Variants in ITGA11 observed in about 807,000 individuals in gnomAD.
The protein encoded by ITGA11 is integrin subunit alpha 11, also known as integrin alpha-11.
A neutral mutation model predicts 141.9 loss-of-function variants in ITGA11; 97 were observed. The observed-to-expected ratio is 0.68, with a 90% confidence interval of 0.58 to 0.81. The LOEUF (loss-of-function observed/expected upper bound fraction) is 0.81, where lower values mean the gene tolerates loss of function less well. ITGA11 is among the 30% of genes least tolerant of loss of function. The probability of loss-of-function intolerance (pLI) is 0.00; values close to 1 mark genes in which losing one functional copy is unlikely to be tolerated. For missense variants in ITGA11, 1,387 were observed against 1,559.2 expected, an observed-to-expected ratio of 0.89 and a Z score of 1.86; for synonymous variants, 658 against 624.6, an observed-to-expected ratio of 1.05 and a Z score of -0.80.
chr15:68,333,331 G>A lies in ITGA11; in HGVS notation c.1426-853C>T, dbSNP rs975498952. Among the ~76,000 whole-genome samples the A allele has an allele frequency of 2.6e-5, 4 of 152,142 alleles. No individual in the cohort carries two copies. Among genetic ancestry groups the A allele is most frequent in the African/African-American group, 7.2e-5 (3 of 41,422 alleles). ...GCCCAGGCTGGTCTGGAACTCCTAC[G>A]CTTCAGTGATCCTCCCACCTCAGCC... On this transcript the variant is annotated intron_variant, in intron 12 of 29. Coordinates refer to ENST00000315757, the MANE Select transcript of ITGA11 (RefSeq NM_001004439.2). This position sits in a 1 kb window ranked among gnomAD's most constrained non-coding sequence, Gnocchi z 4.2.
At position 68,326,073 on chromosome 15, in the gene ITGA11, G is replaced by C. The variant is rs1194957196; in HGVS notation, c.2211+581C>G. Among the ~76,000 whole-genome samples the C allele has an allele frequency of 6.6e-6, 1 of 152,218 alleles. No homozygotes were observed. The highest frequency in any genetic ancestry group is 1.5e-5 in the Non-Finnish European group (1 of 68,046). ...CCTTCTCAGACCTGCTCACATCTCTGAACTCTGGCCATTGAACTACTGGGA... is the reference window on the plus strand; with the variant it reads ...CCTTCTCAGACCTGCTCACATCTCTCAACTCTGGCCATTGAACTACTGGGA... On this transcript the variant is annotated intron_variant, in intron 17 of 29. Transcript: ENST00000315757. This position sits in a 1 kb window ranked among gnomAD's most constrained non-coding sequence, Gnocchi z 6.8.
intron 1 of ITGA11, among the ~76,000 whole-genome samples, chr15:68,408,730 C>A (rs572106626): frequency 1.3e-5 from 2 of 152,038 alleles, no homozygotes; most frequent in African/African-American, 2.4e-5. Context: ...AAATGTGGAG[C>A]CGGGGAAAAG....
At chr15:68,320,149 G>A in intron 20 of ITGA11, 36 bp downstream of exon 20, 3 of 1,589,606 alleles carry the variant, frequency 1.9e-6, no homozygotes, top group Non-Finnish European at 2.6e-6. Flanking sequence ...CTCTGTGCCA[G>A]GCAGAGGCAG....
chr15:68,396,999 T>A (rs866429059), intron 2 of ITGA11, among the ~76,000 whole-genome samples: 811 of 21,654 alleles, frequency 0.037, 300 homozygotes, highest in African/African-American at 0.24. Context: ...TTATATAATA[T>A]ATAATATATA....
rs189282421 is a variant in ITGA11, at chr15:68,307,538, G to A, written c.3285+48C>T. 546 of 1,527,364 alleles carry A rather than the reference G, an allele frequency of 3.6e-4. 3 individuals carry two copies. The African/African-American group carries it at 6.7e-3, about 19-fold the overall frequency. The allele number at this position is 1,527,364 out of a possible 1,614,324, so 94.6% of individuals were successfully genotyped here. ...CCAGGTGGAAGACATCCCAACAGCCGCCCCCTTTCCCTTCTTCCTTCCAGC... is the reference window on the plus strand; with the variant it reads ...CCAGGTGGAAGACATCCCAACAGCCACCCCCTTTCCCTTCTTCCTTCCAGC... On this transcript the variant is annotated intron_variant, in intron 27 of 29. Coordinates refer to ENST00000315757, the MANE Select transcript of ITGA11 (RefSeq NM_001004439.2). This position sits in a 1 kb window ranked among gnomAD's most constrained non-coding sequence, Gnocchi z 6.1.
chr15:68,342,698 A>C (rs1352849536), intron 10 of ITGA11, among the ~76,000 whole-genome samples: 1 of 152,212 alleles, frequency 6.6e-6, no homozygotes, highest in African/African-American at 2.4e-5. Context: ...AGCATGGTCT[A>C]GGGCAGTGCT....
At chr15:68,343,471 T>G (rs539814092) in intron 10 of ITGA11, among the ~76,000 whole-genome samples, 2 of 152,304 alleles carry the variant, frequency 1.3e-5, no homozygotes, top group South Asian at 4.1e-4. Flanking sequence ...GTCAAATGAT[T>G]TTTCTGAGCC....
intron 1 of ITGA11, among the ~76,000 whole-genome samples, chr15:68,406,107 G>C (rs1014772866): frequency 1.3e-5 from 2 of 152,096 alleles, no homozygotes; most frequent in Non-Finnish European, 2.9e-5. Flanking sequence ...GAGGGGTGAG[G>C]GCCAGTGAAG....
intron 2 of ITGA11, among the ~76,000 whole-genome samples, chr15:68,381,919 G>C (rs1895871657): frequency 6.6e-6 from 1 of 152,162 alleles, no homozygotes; most frequent in Admixed American, 6.5e-5. Context: ...AGCTAGTTAA[G>C]GGGCAGCTCT....
intron 1 of ITGA11, 116 bp downstream of exon 1, chr15:68,431,899 G>T: frequency 1.5e-6 from 1 of 678,298 alleles, no homozygotes; most frequent in Non-Finnish European, 2.2e-6. Context: ...CCCAAGAGCA[G>T]CTGAGGTCTG....
rs200734553 is a variant in ITGA11 at position 68,357,286 on chromosome 15, T to A, written c.614A>T (p.Gln205Leu). 1 of 1,613,328 alleles carries A rather than the reference T, an allele frequency of 6.2e-7. No individual in the cohort carries two copies. ...GPGQIQVGVV[Q>L]YGEDVVHEFH... ...CTCATGCACCACATCTTCGCCATAC[T>A]GCACAACTCCAACCTGCAAGGGAGA... Residue 205 changes from glutamine (Q) to leucine (L), a missense_variant, in exon 7 of 30, where the codon CAG becomes CTG. By Grantham distance (113) the Gln-to-Leu change is moderately radical. Transcript: ENST00000315757.
chr15:68,320,882 T>C (rs763140418), intron 19 of ITGA11, among the ~76,000 whole-genome samples: 10 of 152,240 alleles, frequency 6.6e-5, no homozygotes, highest in Non-Finnish European at 1.2e-4. Context: ...AAGTTGAGCA[T>C]AAATTATTGG....
intron 2 of ITGA11, 58 bp downstream of exon 2, chr15:68,402,860 G>T: frequency 8.4e-7 from 1 of 1,196,002 alleles, no homozygotes; most frequent in East Asian, 2.5e-5. Flanking sequence ...GGGGCAGGAT[G>T]GAGGGGGCTG....
Position 68,303,575 on chromosome 15 carries a change from A to G in ITGA11, c.3495+197T>C, listed in dbSNP as rs1197641877. Among the ~76,000 whole-genome samples the G allele has an allele frequency of 6.6e-6, 1 of 152,060 alleles. No individual in the cohort carries two copies. The highest frequency in any genetic ancestry group is 2.4e-5 in the African/African-American group (1 of 41,404). Reference sequence around the variant, plus strand: ...AACCTTAGTTTTCATCAGGTTCTCAAAGGCATCCACAAACAGGTTAGAGCC... The same window carrying G: ...AACCTTAGTTTTCATCAGGTTCTCAGAGGCATCCACAAACAGGTTAGAGCC... On this transcript the variant is annotated intron_variant, in intron 29 of 29. Transcript: ENST00000315757. The surrounding 1 kb of genome is among the most constrained non-coding windows in gnomAD (Gnocchi z 5.3).
At chr15:68,350,325 C>T (rs1473656138) in intron 9 of ITGA11, among the ~76,000 whole-genome samples, 1 of 152,038 alleles carries the variant, frequency 6.6e-6, no homozygotes, top group Non-Finnish European at 1.5e-5. Context: ...GCTAGGACTA[C>T]AGGCATGTAC....
chr15:68,420,013 T>C (rs973940372), intron 1 of ITGA11, among the ~76,000 whole-genome samples: 9 of 152,190 alleles, frequency 5.9e-5, no homozygotes, highest in African/African-American at 1.2e-4. Context: ...ACCTGTGCAA[T>C]GGGTTTCATG....
intron 1 of ITGA11, 29 bp from the exon 2 acceptor site, chr15:68,403,058 C>T: frequency 6.8e-7 from 1 of 1,480,228 alleles, no homozygotes; most frequent in Non-Finnish European, 9.4e-7. Context: ...AGAGGAGAAG[C>T]AGGGGAGTCA....
intron 2 of ITGA11, among the ~76,000 whole-genome samples, chr15:68,381,519 G>A (rs560289864): frequency 6.6e-6 from 1 of 151,856 alleles, no homozygotes; most frequent in African/African-American, 2.4e-5. Context: ...CCCTGACTTT[G>A]ACCTAATCTT....
At chr15:68,317,146 G>A (rs1893607667) in intron 21 of ITGA11, 119 bp downstream of exon 21, 6 of 735,158 alleles carry the variant, frequency 8.2e-6, no homozygotes, top group Non-Finnish European at 1.5e-5. Context: ...GCCACCTCAG[G>A]CCTCCCATCC....
Sources: gnomAD v4.1 joint callset for allele counts (sites outside exome capture counted in the v4.1 genomes callset) on GRCh38, gnomAD v4.1.1 for gene constraint, Gnocchi (gnomAD v3.1) non-coding constraint, MANE v1.5 for transcripts, NCBI Gene and HGNC (gene_info 2026-07-23, HGNC 2026-07-21) for gene names.